Variants in SLC22A11 observed in about 807,000 individuals in gnomAD.
The protein encoded by SLC22A11 is solute carrier family 22 member 11, also known as organic anion transporter 4.
SLC22A11 carries 42 observed loss-of-function variants against 49.4 expected under a neutral mutation model. That is an observed-to-expected ratio of 0.85 (90% CI 0.66 to 1.10). The LOEUF is 1.10. Among genes scored for constraint, SLC22A11 ranks in the 50% least tolerant of loss-of-function variants. The pLI, the probability that SLC22A11 is intolerant of heterozygous loss-of-function variation, is 0.00. For synonymous variants in SLC22A11, 304 were observed against 315.8 expected, an observed-to-expected ratio of 0.96 and a Z score of 0.40; for missense variants, 685 against 731.6, an observed-to-expected ratio of 0.94 and a Z score of 0.74.
In SLC22A11 at chr11:64,565,208, A is replaced by C. The variant is rs2038605967; in HGVS notation, c.943-14A>C. On this transcript the variant is annotated splice_polypyrimidine_tract_variant and intron_variant, in intron 5 of 9. Coordinates refer to ENST00000301891, the MANE Select transcript of SLC22A11 (RefSeq NM_018484.4). The surrounding 1 kb of genome is among the most constrained non-coding windows in gnomAD (Gnocchi z 4.1). The stretch of plus-strand genomic sequence containing the variant: ...TTGCCCTACCATTCACGGTGCCCCC[A>C]TTCTCCCCGGAAGGTGCTGATGTCC... 3.3e-6 allele frequency: 5 copies of C among 1,517,754 alleles called. No individual in the cohort carries two copies. In the East Asian group the frequency reaches 1.2e-4, roughly 37 times the overall value. 94.0% of individuals were successfully genotyped at this position (1,517,754 alleles called of 1,614,324 possible). A position where few individuals can be genotyped will look rare whatever the true frequency, so the allele number is the denominator to read the frequency against.
chr11:64,559,098 A>AC (rs754522884), intron 1 of SLC22A11, 37 bp from the exon 2 acceptor site: 2 of 1,575,498 alleles, frequency 1.3e-6, no homozygotes, highest in Non-Finnish European at 8.7e-7. Flanking sequence ...GTGATTTCAT[A>AC]CCCCCCGAGC....
chr11:64,556,528 A>C (rs2038462848), intron 1 of SLC22A11, 136 bp downstream of exon 1: 2 of 1,365,892 alleles, frequency 1.5e-6, no homozygotes, highest in African/African-American at 1.4e-5. Flanking sequence ...CGTCAGCCAC[A>C]CACAGGGGAG....
chr11:64,557,225 A>G (rs2038474851), intron 1 of SLC22A11, among the ~76,000 whole-genome samples: 1 of 152,224 alleles, frequency 6.6e-6, no homozygotes, highest in African/African-American at 2.4e-5. Flanking sequence ...CTCATTTAAT[A>G]ACGGAGAAAA....
chr11:64,570,503 C>T (rs2038689021), intron 9 of SLC22A11, among the ~76,000 whole-genome samples: 1 of 152,180 alleles, frequency 6.6e-6, no homozygotes, highest in Admixed American at 6.5e-5. Context: ...TTTTAAAGCA[C>T]CTGGGAAAAT....
chr11:64,558,044 C>T (rs968708358), intron 1 of SLC22A11, among the ~76,000 whole-genome samples: 1 of 152,088 alleles, frequency 6.6e-6, no homozygotes, highest in Non-Finnish European at 1.5e-5. Flanking sequence ...GTGATCCACC[C>T]GCCTCGGCCT....
chr11:64,564,807 C>T lies in SLC22A11; in HGVS notation c.942+379C>T, dbSNP rs1489283388. On this transcript the variant is annotated intron_variant, in intron 5 of 9. Transcript: ENST00000301891. The surrounding 1 kb of genome is among the most constrained non-coding windows in gnomAD (Gnocchi z 4.2). The stretch of plus-strand genomic sequence containing the variant: ...ACCATCATTATCAACAGCACCCACA[C>T]CGTCACCTCCATCACCCACCACCTC... 6.6e-6 allele frequency among the ~76,000 whole-genome samples: 1 copy of T among 152,140 alleles called. No homozygotes were observed. Among genetic ancestry groups the T allele is most frequent in the Non-Finnish European group, 1.5e-5 (1 of 68,016 alleles).
chr11:64,562,074 G>A lies in SLC22A11; in HGVS notation c.568G>A (p.Ala190Thr), dbSNP rs762015245. ...LAVAGTSTIF[A>T]PTFVIYCGLR... is the part of the protein sequence containing the mutation. ...CGTGGCGGGCACCAGCACCATCTTC[G>A]CCCCAACATTCGTCATCTACTGCGG... Residue 190 changes from alanine (A) to threonine (T), a missense_variant, in exon 3 of 10, where the codon GCC (alanine) becomes ACC (threonine). Transcript: ENST00000301891. This position sits in a 1 kb window ranked among gnomAD's most constrained non-coding sequence, Gnocchi z 4.4. 6 of 1,613,836 alleles carry A rather than the reference G, an allele frequency of 3.7e-6. No individual in the cohort carries two copies. Among genetic ancestry groups the A allele is most frequent in the South Asian group, 2.2e-5 (2 of 91,078 alleles).
At chr11:64,556,534 G>A in intron 1 of SLC22A11, 142 bp downstream of exon 1, 1 of 1,332,784 alleles carries the variant, frequency 7.5e-7, no homozygotes, top group Non-Finnish European at 1.0e-6. Context: ...CCACACACAG[G>A]GGAGTGGGCG....
At position 64,568,023 on chromosome 11, in the gene SLC22A11, C is replaced by T. The variant is rs1213380995; in HGVS notation, c.1273+210C>T. Among the ~76,000 whole-genome samples, 4 of 152,362 alleles carry T rather than the reference C, an allele frequency of 2.6e-5. No individual in the cohort carries two copies. In the East Asian group the frequency reaches 5.8e-4, roughly 22 times the overall value. ...ACTGGGGGAAAGGGACAGGGCGGCA[C>T]GTCGTGCGGTGGCGGCAGAGCCGGG... is the stretch of plus-strand genomic sequence containing the variant. On this transcript the variant is annotated intron_variant, in intron 7 of 9. Transcript: ENST00000301891.
chr11:64,569,893 G>A (rs2038682086), intron 9 of SLC22A11, 35 bp downstream of exon 9: 17 of 1,602,890 alleles, frequency 1.1e-5, no homozygotes, highest in Non-Finnish European at 1.4e-5. Context: ...ATCGGGCTGG[G>A]CTTCCTCCTG....
chr11:64,569,755 C>CT lies in SLC22A11; in HGVS notation c.1487dup (p.Tyr497LeufsTer26), dbSNP rs1175576965. ...AGCCCTGCCCCTGCTGCCTCCTCTC[C>CT]TCTATGGCGTTATCTCCATTGCTTC... On this transcript the variant is annotated frameshift_variant, in exon 9 of 10. Transcript: ENST00000301891. LOFTEE classifies it high-confidence loss of function. 3 of 1,614,064 alleles carry CT rather than the reference C, an allele frequency of 1.9e-6. No homozygotes were observed. Among genetic ancestry groups the CT allele is most frequent in the Non-Finnish European group, 2.5e-6 (3 of 1,180,040 alleles).
chr11:64,570,226 C>A (rs2038685943), intron 9 of SLC22A11, among the ~76,000 whole-genome samples: 1 of 152,238 alleles, frequency 6.6e-6, no homozygotes, highest in Non-Finnish European at 1.5e-5. Context: ...CAGATAGTCT[C>A]AACTGTCCTA....
intron 1 of SLC22A11, 61 bp from the exon 2 acceptor site, chr11:64,559,074 C>A: frequency 6.9e-7 from 1 of 1,455,278 alleles, no homozygotes; most frequent in Non-Finnish European, 9.6e-7. Context: ...CGTTCCTCGG[C>A]CGTGCCCAGC....
In SLC22A11 at chr11:64,556,010, C is replaced by G. The variant is rs780955917; in HGVS notation, c.11C>G (p.Ser4Trp). MAF[S>W]KLLEQAGGVG... ...GAGGCAGCTCTGTTCATGGCGTTCT[C>G]GAAGCTCTTGGAGCAAGCCGGAGGC... The change falls in exon 1 of 10, where the codon TCG becomes TGG. Residue 4 changes from serine to tryptophan, a missense_variant. By Grantham distance (177) the Ser-to-Trp change is radical. Transcript: ENST00000301891. 2 of 1,607,750 alleles carry G rather than the reference C, an allele frequency of 1.2e-6. No homozygotes were observed. Among genetic ancestry groups the G allele is most frequent in the South Asian group, 1.1e-5 (1 of 90,948 alleles).
At chr11:64,559,099 C>T (rs1315046680) in intron 1 of SLC22A11, 36 bp from the exon 2 acceptor site, 4 of 1,565,744 alleles carry the variant, frequency 2.6e-6, no homozygotes, top group Non-Finnish European at 2.6e-6. Flanking sequence ...TGATTTCATA[C>T]CCCCCGAGCT....
chr11:64,567,382 G>C (rs1284216392), intron 6 of SLC22A11, among the ~76,000 whole-genome samples: 1 of 152,222 alleles, frequency 6.6e-6, no homozygotes, highest in Non-Finnish European at 1.5e-5. Context: ...GTGAAGGGAT[G>C]GTGGAGCCAC....
At chr11:64,561,626 T>C (rs541091094) in intron 2 of SLC22A11, among the ~76,000 whole-genome samples, 2 of 150,704 alleles carry the variant, frequency 1.3e-5, no homozygotes, top group Non-Finnish European at 3.0e-5. Context: ...TTTATTTATT[T>C]ATTTATTTAT....
At chr11:64,559,350 C>A in intron 2 of SLC22A11, 112 bp downstream of exon 2, 2 of 791,398 alleles carry the variant, frequency 2.5e-6, no homozygotes, top group Non-Finnish European at 3.8e-6. Flanking sequence ...TTCCGTCTCC[C>A]TCCTGCCTCC....
Position 64,567,608 on chromosome 11 carries a change from A to G in SLC22A11, c.1068A>G (p.Leu356=), listed in dbSNP as rs1377346025. The G allele has an allele frequency of 3.7e-6, 6 of 1,613,818 alleles. No homozygotes were observed. Among genetic ancestry groups the G allele is most frequent in the Non-Finnish European group, 5.1e-6 (6 of 1,179,964 alleles). ...CCAGCCTTGCCCGCAGTTTCTCTCT[A>G]TTGATCTCCTACTATGGGCTGGTCT... The part of the protein sequence containing the change: ...SCAMLVVNFS[L]LISYYGLVFD... Residue 356 remains leucine, a synonymous_variant, in exon 7 of 10, where the codon CTA becomes CTG. Coordinates refer to ENST00000301891, the MANE Select transcript of SLC22A11 (RefSeq NM_018484.4).
Sources: gnomAD v4.1 joint callset for allele counts (sites outside exome capture counted in the v4.1 genomes callset) on GRCh38, gnomAD v4.1.1 for gene constraint, Gnocchi (gnomAD v3.1) non-coding constraint, MANE v1.5 for transcripts, NCBI Gene and HGNC (gene_info 2026-07-23, HGNC 2026-07-21) for gene names.